Variants in UGT1A7 observed in about 807,000 individuals in gnomAD.
The protein encoded by UGT1A7 is UDP glucuronosyltransferase family 1 member A7, also known as UDP-glucuronosyltransferase 1A7.
A neutral mutation model predicts 45.6 loss-of-function variants in UGT1A7; 33 were observed. The ratio of observed to expected loss-of-function variants is 0.72; its 90% CI spans 0.55 to 0.97. The LOEUF is 0.97. UGT1A7 is among the 50% of genes least tolerant of loss of function. The pLI is 0.00. For missense variants in UGT1A7, 684 were observed against 666.2 expected, an observed-to-expected ratio of 1.03 and a Z score of -0.29; for synonymous variants, 274 against 250.6, an observed-to-expected ratio of 1.09 and a Z score of -0.88.
intron 1 of UGT1A7, chr2:233,693,797 A>C: frequency 1.2e-6 from 2 of 1,614,202 alleles, no homozygotes; most frequent in Non-Finnish European, 1.7e-6. Flanking sequence ...TGAATATCCT[A>C]GGCCGGTCAT....
At chr2:233,728,241 AG>A (rs2077692847) in intron 1 of UGT1A7, among the ~76,000 whole-genome samples, 1 of 152,098 alleles carries the variant, frequency 6.6e-6, no homozygotes, top group Non-Finnish European at 1.5e-5. Context: ...GATGAAATAA[AG>A]GCCTGGATGA....
At chr2:233,750,488 T>A (rs1694469780) in intron 1 of UGT1A7, 1 of 151,920 alleles carries the variant, frequency 6.6e-6, no homozygotes, top group African/African-American at 2.4e-5. Context: ...TTTGCATAAG[T>A]AAGGAGGAGC....
At chr2:233,728,999 G>A in intron 1 of UGT1A7, 10 of 1,561,322 alleles carry the variant, frequency 6.4e-6, no homozygotes, top group Non-Finnish European at 8.7e-6. Flanking sequence ...ACTAGAGGAG[G>A]GCACTCTGTC....
intron 1 of UGT1A7, chr2:233,756,150 C>G (rs1696134000): frequency 6.6e-6 from 1 of 152,108 alleles, no homozygotes; most frequent in Non-Finnish European, 1.5e-5. Flanking sequence ...CTGGGGATCC[C>G]TAGGATTTCC....
At position 233,728,920 on chromosome 2, in the gene UGT1A7, G is replaced by C. The variant is rs45496293; in HGVS notation, c.856-38114G>C. Among the ~76,000 whole-genome samples the C allele has an allele frequency of 4.5e-3, 686 of 151,868 alleles. 5 individuals carry two copies. Among genetic ancestry groups the C allele is most frequent in the African/African-American group, 0.016 (647 of 41,130 alleles). Reference sequence around the variant, plus strand: ...AGGGTCAGACGTGTTTTTCAAGATAGTCATGATCGGTCTTTTCCAGGGTGG... The same window carrying C: ...AGGGTCAGACGTGTTTTTCAAGATACTCATGATCGGTCTTTTCCAGGGTGG... On this transcript the variant is annotated intron_variant, in intron 1 of 4. Transcript: ENST00000373426.
At chr2:233,717,925 A>C (rs1037002174) in intron 1 of UGT1A7, 1 of 454,728 alleles carries the variant, frequency 2.2e-6, no homozygotes, top group Non-Finnish European at 4.4e-6. Flanking sequence ...ATGAATGGAT[A>C]CTTCAGTCTC....
chr2:233,729,597 C>T (rs375083511), intron 1 of UGT1A7: 44 of 1,613,906 alleles, frequency 2.7e-5, no homozygotes, highest in East Asian at 1.8e-4. Context: ...TTAACCTCTG[C>T]GCGGCAGTGC....
At chr2:233,716,681 T>C (rs991424130) in intron 1 of UGT1A7, among the ~76,000 whole-genome samples, 4 of 152,224 alleles carry the variant, frequency 2.6e-5, no homozygotes, top group African/African-American at 9.6e-5. Context: ...CCCCAAGATA[T>C]AGTTTCTACA....
At chr2:233,695,097 G>GT (rs948360141) in intron 1 of UGT1A7, among the ~76,000 whole-genome samples, 12 of 148,828 alleles carry the variant, frequency 8.1e-5, no homozygotes, top group Admixed American at 7.3e-4. Flanking sequence ...ATCTAATGGT[G>GT]TTTTTGTGCC....
At chr2:233,744,611 C>T (rs1407412531) in intron 1 of UGT1A7, among the ~76,000 whole-genome samples, 1 of 151,864 alleles carries the variant, frequency 6.6e-6, no homozygotes, top group Non-Finnish European at 1.5e-5. Context: ...TAGTACTTGG[C>T]TCTATAGAGA....
chr2:233,755,060 C>T, intron 1 of UGT1A7: 1 of 1,334,970 alleles, frequency 7.5e-7, no homozygotes, highest in Non-Finnish European at 1.0e-6. Context: ...CCGCCCTCGC[C>T]TCGCCATAGC....
chr2:233,712,144 G>T (rs2076216635), intron 1 of UGT1A7, among the ~76,000 whole-genome samples: 1 of 152,218 alleles, frequency 6.6e-6, no homozygotes, highest in African/African-American at 2.4e-5. Flanking sequence ...TCAGCATTCA[G>T]AAGAGGAATT....
intron 1 of UGT1A7, among the ~76,000 whole-genome samples, chr2:233,762,294 C>T (rs867302636): frequency 2.0e-5 from 3 of 152,346 alleles, no homozygotes; most frequent in Middle Eastern, 3.4e-3. Flanking sequence ...AAGGTGCCAA[C>T]CGAGGTCTAG....
Position 233,682,501 on chromosome 2 carries a change from C to T in UGT1A7, c.564C>T (p.Ser188=). ...EEGAQCPAPL[S]YVPRLLLGFS... Reference sequence around the variant, plus strand: ...GTGCACAGTGCCCTGCTCCTCTTTCCTATGTCCCCAGACTTCTCTTAGGGT... The same window carrying T: ...GTGCACAGTGCCCTGCTCCTCTTTCTTATGTCCCCAGACTTCTCTTAGGGT... The change falls in exon 1 of 5, where the codon TCC becomes TCT. Residue 188 remains serine (S), a synonymous_variant. Coordinates refer to ENST00000373426, the MANE Select transcript of UGT1A7 (RefSeq NM_019077.3). 6.2e-7 allele frequency: 1 copy of T among 1,613,958 alleles called. No homozygotes were observed. Among genetic ancestry groups the T allele is most frequent in the South Asian group, 1.1e-5 (1 of 91,066 alleles).
Position 233,718,755 on chromosome 2 carries a change from C to T in UGT1A7, c.855+35963C>T, listed in dbSNP as rs372600165. 8.4e-5 allele frequency: 135 copies of T among 1,612,200 alleles called. 1 individual carries two copies. The highest frequency in any genetic ancestry group is 4.7e-4 in the African/African-American group (35 of 74,854). On this transcript the variant is annotated intron_variant, in intron 1 of 4. Coordinates refer to ENST00000373426, the MANE Select transcript of UGT1A7 (RefSeq NM_019077.3). ...TGGCTCAATGACAAGGTAATTAAGGCGAAGGAAACAAATGTAGCAGGCACA... is the reference window on the plus strand; with the variant it reads ...TGGCTCAATGACAAGGTAATTAAGGTGAAGGAAACAAATGTAGCAGGCACA...
intron 1 of UGT1A7, chr2:233,729,873 C>G: frequency 2.5e-6 from 4 of 1,613,864 alleles, no homozygotes; most frequent in Non-Finnish European, 3.4e-6. Context: ...TGGATATTCT[C>G]AGTCATGCAT....
At chr2:233,767,000 A>C (rs750045241) in intron 1 of UGT1A7, 34 bp from the exon 2 acceptor site, 2 of 1,613,618 alleles carry the variant, frequency 1.2e-6, no homozygotes, top group Non-Finnish European at 1.7e-6. Flanking sequence ...GAATATGAGA[A>C]AAAATTAACT....
intron 1 of UGT1A7, chr2:233,738,809 G>T (rs149365680): frequency 6.6e-6 from 1 of 152,200 alleles, no homozygotes; most frequent in Non-Finnish European, 1.5e-5. Context: ...ACTAGCTAAA[G>T]AAATTTGAAT....
chr2:233,769,849 C>A lies in UGT1A7; in HGVS notation c.1295+1410C>A, dbSNP rs1159124687. ...CAGCAACCTGGGCAACAGAGTGAGA[C>A]CCTGTCTCAAAAAAAAAAAAAAAAA... On this transcript the variant is annotated intron_variant, in intron 4 of 4. Transcript: ENST00000373426. The surrounding 1 kb of genome is among the most constrained non-coding windows in gnomAD (Gnocchi z 4.4). 1 of 524,548 alleles carries A rather than the reference C, an allele frequency of 1.9e-6. No homozygotes were observed. The highest frequency in any genetic ancestry group is 3.0e-6 in the Non-Finnish European group (1 of 331,924). The allele number at this position is 524,548 out of a possible 1,614,324, so 32.5% of individuals were successfully genotyped here.
Sources: gnomAD v4.1 joint callset for allele counts (sites outside exome capture counted in the v4.1 genomes callset) on GRCh38, gnomAD v4.1.1 for gene constraint, Gnocchi (gnomAD v3.1) non-coding constraint, MANE v1.5 for transcripts, NCBI Gene and HGNC (gene_info 2026-07-23, HGNC 2026-07-21) for gene names.